The following MRPL13 variants were observed in gnomAD, a reference collection of about 807,000 sequenced individuals.
MRPL13 encodes the protein mitochondrial ribosomal protein L13, also known as large ribosomal subunit protein uL13m.
MRPL13 carries 33 observed loss-of-function variants against 29.0 expected under a neutral mutation model. That is an observed-to-expected ratio of 1.14 (90% confidence interval 0.86 to 1.52). The LOEUF is 1.52. Ranked by LOEUF, MRPL13 falls within the 40% of genes most tolerant of loss-of-function variation. The pLI, the probability that MRPL13 is intolerant of heterozygous loss-of-function variation, is 0.00. For synonymous variants in MRPL13, 77 were observed against 68.4 expected, an observed-to-expected ratio of 1.13 and a Z score of -0.62; for missense variants, 227 against 216.7, an observed-to-expected ratio of 1.05 and a Z score of -0.30.
At chr8:120,406,081 C>G (rs1812664318) in intron 6 of MRPL13, among the ~76,000 whole-genome samples, 1 of 152,022 alleles carries the variant, frequency 6.6e-6, no homozygotes. Flanking sequence ...TAAATAATAA[C>G]AGTATTCTAA....
At chr8:120,436,941 G>A (rs1813061061) in intron 2 of MRPL13, among the ~76,000 whole-genome samples, 1 of 152,132 alleles carries the variant, frequency 6.6e-6, no homozygotes. Context: ...GCACAGCCAA[G>A]GTGATGAATG....
At chr8:120,400,174 G>A (rs1162716354) in intron 6 of MRPL13, among the ~76,000 whole-genome samples, 1 of 152,140 alleles carries the variant, frequency 6.6e-6, no homozygotes, top group Non-Finnish European at 1.5e-5. Flanking sequence ...CAAAACAACA[G>A]AACATACATT....
chr8:120,443,267 C>T lies in MRPL13; in HGVS notation c.69G>A (p.Gly23=). The change falls in exon 2 of 7, where the codon GGG becomes GGA. Residue 23 remains glycine, a synonymous_variant. Coordinates refer to ENST00000306185, the MANE Select transcript of MRPL13 (RefSeq NM_014078.6). ...CAAGTTTGCCAGGTGGCTGCATTTT[C>T]CCATCTAAGAGATACCATATTCTAG... ...TFARIWYLLD[G]KMQPPGKLAA... 5 of 1,609,192 alleles carry T rather than the reference C, an allele frequency of 3.1e-6. No individual in the cohort carries two copies. In the South Asian group the frequency reaches 4.4e-5, roughly 14 times the overall value.
At chr8:120,421,269 A>C (rs377737812) in intron 4 of MRPL13, among the ~76,000 whole-genome samples, 2 of 151,918 alleles carry the variant, frequency 1.3e-5, no homozygotes, top group African/African-American at 4.8e-5. Flanking sequence ...AAGCTAAAAC[A>C]TACAACAGAG....
Position 120,403,274 on chromosome 8 carries a change from T to C in MRPL13, c.516-7149A>G, listed in dbSNP as rs575160165. Among the ~76,000 whole-genome samples, 28 of 152,150 alleles carry C rather than the reference T, an allele frequency of 1.8e-4. No individual in the cohort carries two copies. In the South Asian group the frequency reaches 5.0e-3, roughly 27 times the overall value. ...AAATTCCCAGACTGGATAAAGAAAATGTGGTATATATACACCATGGAATAC... is the reference window on the plus strand; with the variant it reads ...AAATTCCCAGACTGGATAAAGAAAACGTGGTATATATACACCATGGAATAC... On this transcript the variant is annotated intron_variant, in intron 6 of 6. Transcript: ENST00000306185.
At chr8:120,428,126 T>TAAAAA (rs144856034) in intron 3 of MRPL13, among the ~76,000 whole-genome samples, 1 of 110,360 alleles carries the variant, frequency 9.1e-6, no homozygotes, top group Non-Finnish European at 1.9e-5. Context: ...ATGGTACTGA[T>TAAAAA]AAAAAAAAAA....
chr8:120,403,653 T>C (rs1287354819), intron 6 of MRPL13, among the ~76,000 whole-genome samples: 2 of 152,130 alleles, frequency 1.3e-5, no homozygotes, highest in Non-Finnish European at 2.9e-5. Flanking sequence ...AGAAAATAAA[T>C]ATTTTGAAAA....
chr8:120,404,615 G>A (rs1194231830), intron 6 of MRPL13, among the ~76,000 whole-genome samples: 1 of 152,144 alleles, frequency 6.6e-6, no homozygotes, highest in Non-Finnish European at 1.5e-5. Flanking sequence ...AATCATACTG[G>A]CTCTTCCTTG....
At chr8:120,421,703 C>T (rs528011788) in intron 4 of MRPL13, among the ~76,000 whole-genome samples, 11 of 151,958 alleles carry the variant, frequency 7.2e-5, no homozygotes, top group African/African-American at 2.6e-4. Context: ...AAGCCTTCCT[C>T]AAACATTTTA....
intron 6 of MRPL13, among the ~76,000 whole-genome samples, chr8:120,413,301 G>T (rs894718847): frequency 1.3e-5 from 2 of 152,200 alleles, no homozygotes; most frequent in Non-Finnish European, 2.9e-5. Flanking sequence ...ATGAAGTCTA[G>T]CAAGAAAGAC....
chr8:120,419,802 T>C (rs375244395), intron 5 of MRPL13, 50 bp downstream of exon 5: 96 of 1,365,352 alleles, frequency 7.0e-5, no homozygotes, highest in Non-Finnish European at 9.1e-5. Flanking sequence ...AAATGAAACA[T>C]TTAATTGAAA....
At chr8:120,428,705 G>A (rs990184509) in intron 3 of MRPL13, among the ~76,000 whole-genome samples, 2 of 151,872 alleles carry the variant, frequency 1.3e-5, no homozygotes, top group African/African-American at 2.4e-5. Context: ...AAAAGAAGAC[G>A]TACATATGGC....
At chr8:120,432,160 A>G (rs757347224) in intron 2 of MRPL13, 37 bp from the exon 3 acceptor site, 36 of 1,499,988 alleles carry the variant, frequency 2.4e-5, no homozygotes, top group Non-Finnish European at 3.0e-5. Context: ...TGTAAGAAAA[A>G]TAAAAACCTT....
chr8:120,399,455 C>T (rs751185163), intron 6 of MRPL13, among the ~76,000 whole-genome samples: 32 of 152,122 alleles, frequency 2.1e-4, no homozygotes, highest in Non-Finnish European at 3.5e-4. Context: ...TGAGGGAATT[C>T]GTCACCACCA....
chr8:120,435,212 A>AT (rs534916882), intron 2 of MRPL13, among the ~76,000 whole-genome samples: 4 of 152,126 alleles, frequency 2.6e-5, no homozygotes, highest in African/African-American at 4.8e-5. Context: ...AAAAACCTCT[A>AT]TTTTTTTAAA....
intron 4 of MRPL13, among the ~76,000 whole-genome samples, chr8:120,424,920 C>G (rs1194962632): frequency 2.6e-5 from 4 of 152,000 alleles, no homozygotes; most frequent in Admixed American, 2.6e-4. Context: ...AGATAATACT[C>G]GAGTTAACAA....
At chr8:120,420,688 A>C (rs1387683430) in intron 4 of MRPL13, among the ~76,000 whole-genome samples, 1 of 151,652 alleles carries the variant, frequency 6.6e-6, no homozygotes, top group African/African-American at 2.4e-5. Context: ...TTAGCACTGA[A>C]ATTGTTCAAT....
chr8:120,428,126 T>TAAAAAAAAAA (rs144856034), intron 3 of MRPL13, among the ~76,000 whole-genome samples: 1 of 110,392 alleles, frequency 9.1e-6, no homozygotes, highest in Non-Finnish European at 1.9e-5. Flanking sequence ...ATGGTACTGA[T>TAAAAAAAAAA]AAAAAAAAAA....
At chr8:120,405,244 C>A (rs1812650855) in intron 6 of MRPL13, among the ~76,000 whole-genome samples, 1 of 152,196 alleles carries the variant, frequency 6.6e-6, no homozygotes, top group South Asian at 2.1e-4. Flanking sequence ...TTACTTCTCT[C>A]TGTCTCAAAC....
Sources: gnomAD v4.1 joint callset for allele counts (sites outside exome capture counted in the v4.1 genomes callset) on GRCh38, gnomAD v4.1.1 for gene constraint, MANE v1.5 for transcripts, NCBI Gene and HGNC (gene_info 2026-07-23, HGNC 2026-07-21) for gene names.